COPS3: variants seen among roughly 807,000 people sequenced by gnomAD.
The protein encoded by COPS3 is COP9 signalosome complex subunit 3.
In COPS3, 10 loss-of-function variants were observed where a neutral mutation model predicts 58.2. The ratio of observed to expected loss-of-function variants is 0.17; its 90% confidence interval spans 0.11 to 0.29. The LOEUF (loss-of-function observed/expected upper bound fraction) is 0.29. Ranked by LOEUF, COPS3 falls within the 10% of genes least tolerant of loss-of-function variation. The pLI, the probability that COPS3 is intolerant of heterozygous loss-of-function variation, is 1.00. For synonymous variants in COPS3, 187 were observed against 181.7 expected (o/e 1.03, Z -0.24); for missense variants, 333 against 510.1 (o/e 0.65, Z 3.34).
At chr17:17,265,005 C>A (rs1253278985) in intron 5 of COPS3, 24 bp from the exon 6 acceptor site, 16 of 1,590,000 alleles carry the variant, frequency 1.0e-5, no homozygotes, top group Non-Finnish European at 1.2e-5. Flanking sequence ...GATATTAAAT[C>A]ATCACTTTAA....
intron 11 of COPS3, 116 bp from the exon 12 acceptor site, chr17:17,247,267 A>G: frequency 9.2e-7 from 1 of 1,084,340 alleles, no homozygotes; most frequent in South Asian, 1.3e-5. Flanking sequence ...CCTGTGAACA[A>G]GGGCAGGCAA....
intron 8 of COPS3, among the ~76,000 whole-genome samples, chr17:17,257,200 C>T (rs533517507): frequency 3.9e-5 from 6 of 151,920 alleles, no homozygotes; most frequent in Admixed American, 1.3e-4. Flanking sequence ...CCCGTGTCTA[C>T]TAAAAATACA....
intron 7 of COPS3, 129 bp from the exon 8 acceptor site, chr17:17,260,603 A>C: frequency 1.3e-6 from 1 of 747,740 alleles, no homozygotes; most frequent in Non-Finnish European, 2.2e-6. Flanking sequence ...CAGGGGTTAA[A>C]CACCAGCCTG....
chr17:17,250,422 T>C (rs2047818273), intron 9 of COPS3, among the ~76,000 whole-genome samples: 2 of 151,870 alleles, frequency 1.3e-5, no homozygotes, highest in Non-Finnish European at 2.9e-5. Context: ...GCCCAGCTAA[T>C]TTTTTTTATT....
intron 8 of COPS3, among the ~76,000 whole-genome samples, chr17:17,258,388 T>A (rs1257984411): frequency 6.6e-6 from 1 of 152,202 alleles, no homozygotes; most frequent in African/African-American, 2.4e-5. Context: ...AACCTCTATC[T>A]CCTGGGTTCA....
chr17:17,264,754 TGATCACACAA>T, intron 6 of COPS3, 38 bp downstream of exon 6: 1 of 1,535,292 alleles, frequency 6.5e-7, no homozygotes, highest in Admixed American at 2.1e-5. Flanking sequence ...AGCACTTTTT[TGATCACACAA>T]GTTCAGAACA....
chr17:17,272,118 T>C (rs1173966707), intron 2 of COPS3, among the ~76,000 whole-genome samples: 1 of 151,614 alleles, frequency 6.6e-6, no homozygotes, highest in Admixed American at 6.6e-5. Context: ...TGAAAACCCA[T>C]GTCTGCTAAA....
At chr17:17,267,771 A>T (rs16961495) in intron 5 of COPS3, 114 bp downstream of exon 5, 1 of 1,049,484 alleles carries the variant, frequency 9.5e-7, no homozygotes, top group African/African-American at 1.6e-5. Flanking sequence ...TCCAACTTCT[A>T]TAACACATCA....
chr17:17,252,341 G>A (rs1022370262), intron 9 of COPS3, among the ~76,000 whole-genome samples: 2 of 140,174 alleles, frequency 1.4e-5, no homozygotes, highest in Non-Finnish European at 3.1e-5. Context: ...GGCAGATAAC[G>A]CTTTGGTGTG....
chr17:17,262,479 C>T (rs572736900), intron 6 of COPS3, among the ~76,000 whole-genome samples: 2 of 152,046 alleles, frequency 1.3e-5, no homozygotes, highest in Admixed American at 6.6e-5. Flanking sequence ...CCTGTAATCC[C>T]AGCACTTTGA....
chr17:17,277,990 T>C (rs1444024561), intron 1 of COPS3, among the ~76,000 whole-genome samples: 2 of 152,010 alleles, frequency 1.3e-5, no homozygotes, highest in African/African-American at 4.8e-5. Flanking sequence ...AAAAATTAGC[T>C]GGGTGTGGTG....
chr17:17,276,475 G>C (rs190218880), intron 1 of COPS3, among the ~76,000 whole-genome samples: 12 of 151,878 alleles, frequency 7.9e-5, no homozygotes, highest in Non-Finnish European at 1.8e-4. Flanking sequence ...GCATCCAAAT[G>C]ATTTAGTTTT....
intron 10 of COPS3, among the ~76,000 whole-genome samples, 186 bp downstream of exon 10, chr17:17,248,740 C>T (rs779944491): frequency 1.3e-5 from 2 of 152,104 alleles, no homozygotes; most frequent in Admixed American, 6.6e-5. Context: ...CACTGTAACC[C>T]GTCTCCAGGG....
intron 5 of COPS3, among the ~76,000 whole-genome samples, chr17:17,266,763 C>T (rs2048231407): frequency 1.3e-5 from 2 of 151,280 alleles, no homozygotes; most frequent in African/African-American, 4.9e-5. Flanking sequence ...CATGCCACTG[C>T]ACTCCAGCCT....
Position 17,254,906 on chromosome 17 carries a change from C to A in COPS3, c.976G>T (p.Val326Leu). The change falls in exon 9 of 12, where the codon GTG becomes TTG. Residue 326 changes from valine to leucine, a missense_variant. Val to Leu is a conservative substitution (Grantham distance 32, BLOSUM62 1). Transcript: ENST00000268717. ...GCCTCCTGAGGTCCAGACAACTGCA[C>A]ACGACTTGCCATATCTTGTAATGAT... ...TLSLQDMASR[V>L]QLSGPQEAEK... 6.2e-7 allele frequency: 1 copy of A among 1,612,778 alleles called. No individual in the cohort carries two copies. The highest frequency in any genetic ancestry group is 8.5e-7 in the Non-Finnish European group (1 of 1,179,482).
At chr17:17,254,968 G>A in intron 8 of COPS3, 23 bp from the exon 9 acceptor site, 8 of 1,525,018 alleles carry the variant, frequency 5.2e-6, no homozygotes, top group Non-Finnish European at 7.3e-6. Flanking sequence ...AGCAGAATTA[G>A]TCACAGGTAG....
intron 9 of COPS3, among the ~76,000 whole-genome samples, chr17:17,249,602 C>T (rs138609381): frequency 0.01 from 1,558 of 152,266 alleles, 27 homozygotes; most frequent in African/African-American, 0.032. Context: ...AAGCAATTCT[C>T]CTGCTTCAGC....
intron 7 of COPS3, among the ~76,000 whole-genome samples, chr17:17,261,126 T>A (rs545608454): frequency 6.6e-6 from 1 of 152,146 alleles, no homozygotes; most frequent in East Asian, 1.9e-4. Context: ...TACTGATAAA[T>A]CATATAGAGA....
At chr17:17,254,357 C>A (rs1402986663) in intron 9 of COPS3, among the ~76,000 whole-genome samples, 1 of 150,560 alleles carries the variant, frequency 6.6e-6, no homozygotes, top group African/African-American at 2.4e-5. Flanking sequence ...ATGTGTATAT[C>A]ATATGAGCAC....
Sources: gnomAD v4.1 joint callset for allele counts (sites outside exome capture counted in the v4.1 genomes callset) on GRCh38, gnomAD v4.1.1 for gene constraint, MANE v1.5 for transcripts, NCBI Gene and HGNC (gene_info 2026-07-23, HGNC 2026-07-21) for gene names.